CECR2: variants seen among roughly 807,000 people sequenced by gnomAD.
CECR2 encodes CECR2 histone acetyl-lysine reader, also known as chromatin remodeling regulator CECR2.
In CECR2, 30 loss-of-function variants were observed where a neutral mutation model predicts 154.5. The ratio of observed to expected loss-of-function variants is 0.19; its 90% CI spans 0.15 to 0.26. The LOEUF is 0.26. CECR2 is among the 10% of genes least tolerant of loss of function. The pLI is 1.00. For synonymous variants in CECR2, 725 were observed against 683.7 expected, an observed-to-expected ratio of 1.06 and a Z score of -0.94; for missense variants, 1,743 against 1,829.3, an observed-to-expected ratio of 0.95 and a Z score of 0.86.
intron 1 of CECR2, among the ~76,000 whole-genome samples, chr22:17,417,462 G>A (rs746901007): frequency 9.2e-5 from 14 of 152,276 alleles, no homozygotes; most frequent in Non-Finnish European, 1.9e-4. Flanking sequence ...GTTTACTACA[G>A]TTTACTACTT....
At chr22:17,474,054 G>C (rs1023926011) in intron 1 of CECR2, among the ~76,000 whole-genome samples, 1 of 152,040 alleles carries the variant, frequency 6.6e-6, no homozygotes, top group Non-Finnish European at 1.5e-5. Flanking sequence ...GTACTAACTG[G>C]GGGGGGTTTA....
intron 8 of CECR2, among the ~76,000 whole-genome samples, chr22:17,520,828 A>G (rs898991223): frequency 6.6e-6 from 1 of 152,108 alleles, no homozygotes; most frequent in Non-Finnish European, 1.5e-5. Flanking sequence ...CCAGTCTATC[A>G]TTGATGTCCA....
intron 1 of CECR2, among the ~76,000 whole-genome samples, chr22:17,429,329 G>T (rs150149802): frequency 4.3e-4 from 66 of 152,138 alleles, no homozygotes; most frequent in African/African-American, 1.6e-3. Flanking sequence ...GTCAGAATAG[G>T]TATTTTGGAT....
chr22:17,415,899 C>A (rs986641426), intron 1 of CECR2, among the ~76,000 whole-genome samples: 1 of 152,214 alleles, frequency 6.6e-6, no homozygotes, highest in African/African-American at 2.4e-5. Flanking sequence ...CTGCAACACA[C>A]CTTTCTCTTA....
At chr22:17,412,244 G>C (rs1024766351) in intron 1 of CECR2, among the ~76,000 whole-genome samples, 1 of 152,088 alleles carries the variant, frequency 6.6e-6, no homozygotes, top group Non-Finnish European at 1.5e-5. Context: ...ACTGGGGAAG[G>C]GTCATTTCTA....
intron 1 of CECR2, among the ~76,000 whole-genome samples, chr22:17,430,973 C>CATG (rs1220993521): frequency 1.3e-5 from 2 of 152,104 alleles, no homozygotes; most frequent in African/African-American, 4.8e-5. Flanking sequence ...TCTGTGAGTG[C>CATG]CCTGTCTCTA....
intron 1 of CECR2, among the ~76,000 whole-genome samples, chr22:17,363,694 A>G (rs1023567326): frequency 3.9e-5 from 6 of 152,134 alleles, no homozygotes; most frequent in African/African-American, 1.4e-4. Flanking sequence ...GGAGTGCAGT[A>G]GCATGATCTC....
intron 1 of CECR2, among the ~76,000 whole-genome samples, chr22:17,378,837 A>C (rs2063152243): frequency 6.6e-6 from 1 of 152,176 alleles, no homozygotes; most frequent in African/African-American, 2.4e-5. Context: ...TTTTCCCCTA[A>C]ATGCAAACCT....
intron 1 of CECR2, among the ~76,000 whole-genome samples, chr22:17,371,056 A>G (rs988501328): frequency 6.6e-6 from 1 of 152,026 alleles, no homozygotes; most frequent in African/African-American, 2.4e-5. Context: ...AGCCCCACGG[A>G]TCTTACTTTG....
At chr22:17,397,485 C>T (rs1364634883) in intron 1 of CECR2, among the ~76,000 whole-genome samples, 5 of 152,026 alleles carry the variant, frequency 3.3e-5, no homozygotes, top group Admixed American at 3.3e-4. Flanking sequence ...CCAAACCCTA[C>T]GTATAAACAC....
chr22:17,368,714 T>G (rs185667707), upstream of CECR2, among the ~76,000 whole-genome samples: 116 of 152,226 alleles, frequency 7.6e-4, no homozygotes, highest in Non-Finnish European at 1.5e-3. Context: ...GGCAGCTCTT[T>G]CAGCGGCCGG....
chr22:17,449,615 G>T (rs908169313), intron 1 of CECR2, among the ~76,000 whole-genome samples: 1 of 145,632 alleles, frequency 6.9e-6, no homozygotes, highest in Admixed American at 7.2e-5. Flanking sequence ...TCAGCTTCCC[G>T]AGTAGCTGGG....
intron 9 of CECR2, among the ~76,000 whole-genome samples, chr22:17,536,295 TCTC>T (rs1212533254): frequency 6.6e-6 from 1 of 152,150 alleles, no homozygotes; most frequent in Non-Finnish European, 1.5e-5. Flanking sequence ...CTTGCTGGCT[TCTC>T]CTCCCTTCCA....
chr22:17,404,746 G>A (rs1292236336), intron 1 of CECR2, among the ~76,000 whole-genome samples: 7 of 152,108 alleles, frequency 4.6e-5, no homozygotes, highest in Non-Finnish European at 1.0e-4. Flanking sequence ...AATTAGTGCA[G>A]CTTTTAATAA....
At chr22:17,500,402 C>T (rs76446747) in intron 4 of CECR2, among the ~76,000 whole-genome samples, 19,387 of 152,098 alleles carry the variant, frequency 0.13, 1,447 homozygotes, top group Non-Finnish European at 0.17. Context: ...AGAATGCTTA[C>T]TCTTCGGAAG....
intron 1 of CECR2, among the ~76,000 whole-genome samples, chr22:17,406,538 T>A (rs1350822561): frequency 6.7e-6 from 1 of 148,930 alleles, no homozygotes; most frequent in Admixed American, 6.7e-5. Flanking sequence ...CCCCCACCCC[T>A]CCCTCCAAAA....
rs750712581 is a variant in CECR2, at chr22:17,549,019, C to T, written c.3732C>T (p.Ala1244=). The change falls in exon 17 of 19, where the codon GCC becomes GCT. Residue 1244 remains alanine, a synonymous_variant. Transcript: ENST00000262608. Reference sequence around the variant, plus strand: ...TCTTCTCAGATAAGAATGCCATGGCCAGTCTGCAAGGCTGTGAGACACTGA... The same window carrying T: ...TCTTCTCAGATAAGAATGCCATGGCTAGTCTGCAAGGCTGTGAGACACTGA... ...RSLFSDKNAM[A]SLQGCETLNA... 3.1e-6 allele frequency: 5 copies of T among 1,614,006 alleles called. No homozygotes were observed. Among genetic ancestry groups the T allele is most frequent in the African/African-American group, 1.3e-5 (1 of 75,038 alleles).
rs551350543 is a variant in CECR2, at chr22:17,511,742, C to T, written c.871-71C>T. On this transcript the variant is annotated intron_variant, in intron 7 of 18. Transcript: ENST00000262608. ...GCCACTTTTTTACTGGCGGCAGCAGCAGCAGCAGCATCAGTAGTTGAGAAC... is the reference window on the plus strand; with the variant it reads ...GCCACTTTTTTACTGGCGGCAGCAGTAGCAGCAGCATCAGTAGTTGAGAAC... 2.3e-5 allele frequency: 30 copies of T among 1,327,772 alleles called. 2 individuals carry two copies. Among genetic ancestry groups the T allele is most frequent in the African/African-American group, 1.7e-4 (12 of 68,892 alleles). The allele number at this position is 1,327,772 out of a possible 1,614,324, so 82.2% of individuals were successfully genotyped here.
At chr22:17,507,815 T>C (rs2146910970) in intron 7 of CECR2, among the ~76,000 whole-genome samples, 1 of 152,230 alleles carries the variant, frequency 6.6e-6, no homozygotes, top group Non-Finnish European at 1.5e-5. Context: ...TTCAAAAACC[T>C]CAATGAAGTC....
Sources: gnomAD v4.1 joint callset for allele counts (sites outside exome capture counted in the v4.1 genomes callset) on GRCh38, gnomAD v4.1.1 for gene constraint, MANE v1.5 for transcripts, NCBI Gene and HGNC (gene_info 2026-07-23, HGNC 2026-07-21) for gene names.